The following CCT5 variants were observed in gnomAD, a reference collection of about 807,000 sequenced individuals.
CCT5 encodes the protein chaperonin containing TCP1 subunit 5.
Under a neutral mutation model 55.0 loss-of-function variants are expected in CCT5, and 6 were observed. The ratio of observed to expected loss-of-function variants is 0.11; its 90% CI spans 0.06 to 0.22. The LOEUF is 0.22. Among genes scored for constraint, CCT5 ranks in the 10% least tolerant of loss-of-function variants. The pLI is 1.00. For missense variants in CCT5, 560 were observed against 694.6 expected (o/e 0.81, Z 2.18); for synonymous variants, 231 against 243.7 (o/e 0.95, Z 0.49).
At chr5:10,261,894 G>C (rs767375395) in intron 8 of CCT5, 149 bp downstream of exon 8, 4 of 744,142 alleles carry the variant, frequency 5.4e-6, no homozygotes, top group Non-Finnish European at 9.7e-6. Flanking sequence ...TAAAATTACT[G>C]AAGACCATGT....
Position 10,258,202 on chromosome 5 carries a change from C to T in CCT5, c.622C>T (p.Leu208Phe), listed in dbSNP as rs1181012937. 3 of 1,613,998 alleles carry T rather than the reference C, an allele frequency of 1.9e-6. No homozygotes were observed. The highest frequency in any genetic ancestry group is 1.3e-5 in the African/African-American group (1 of 74,898). Residue 208 changes from leucine (L) to phenylalanine (F), a missense_variant, in exon 5 of 11, where the codon CTT becomes TTT. Physicochemically the swap from Leu to Phe is conservative, Grantham distance 22. Transcript: ENST00000280326. ...GGAGCGGAGAGACGTTGACTTTGAG[C>T]TTATCAAAGTAGAAGGCAAAGTGGG... Reference protein sequence around the residue: ...DMERRDVDFELIKVEGKVGGR... With the variant: ...DMERRDVDFEFIKVEGKVGGR...
chr5:10,254,634 C>T, intron 2 of CCT5, 40 bp from the exon 3 acceptor site: 1 of 1,602,800 alleles, frequency 6.2e-7, no homozygotes, highest in South Asian at 1.1e-5. Context: ...ATATTGGTTG[C>T]CAGTTTTTTG....
intron 4 of CCT5, 24 bp from the exon 5 acceptor site, chr5:10,258,086 GT>G (rs753662828): frequency 4.3e-6 from 7 of 1,612,780 alleles, no homozygotes; most frequent in Middle Eastern, 1.7e-4. Context: ...AACCAATGAA[GT>G]TTGTTTTGTG....
rs1159888871 is a variant in CCT5, at chr5:10,262,525, C to T, written c.1224C>T (p.Val408=). 1.2e-6 allele frequency: 2 copies of T among 1,614,116 alleles called. No individual in the cohort carries two copies. The highest frequency in any genetic ancestry group is 1.7e-6 in the Non-Finnish European group (2 of 1,180,044). The change falls in exon 9 of 11, where the codon GTC becomes GTT. Residue 408 remains valine, a synonymous_variant. Transcript: ENST00000280326. ...GATCCCTTCACGATGCTTTGTGTGT[C>T]ATCCGGAACCTCATCCGCGATAATC... ...AKRSLHDALC[V]IRNLIRDNRV... is the part of the protein sequence containing the mutation.
chr5:10,255,410 A>G (rs1167034364), intron 3 of CCT5, among the ~76,000 whole-genome samples: 1 of 152,124 alleles, frequency 6.6e-6, no homozygotes, highest in African/African-American at 2.4e-5. Flanking sequence ...GAGATTGAAG[A>G]CAAAATATCA....
At chr5:10,250,503 T>A in intron 1 of CCT5, 58 bp downstream of exon 1, 1 of 1,601,270 alleles carries the variant, frequency 6.2e-7, no homozygotes, top group South Asian at 1.1e-5. Flanking sequence ...AGGCCGTGGC[T>A]CTGCGCCTGC....
At chr5:10,261,062 C>T (rs1023469831) in intron 7 of CCT5, 151 bp downstream of exon 7, 10 of 816,882 alleles carry the variant, frequency 1.2e-5, no homozygotes, top group African/African-American at 3.3e-5. Flanking sequence ...GCGCTGGAAT[C>T]TTTGTTACTG....
intron 1 of CCT5, among the ~76,000 whole-genome samples, chr5:10,252,506 T>G (rs1745474308): frequency 6.6e-6 from 1 of 151,924 alleles, no homozygotes; most frequent in Admixed American, 6.6e-5. Context: ...TCCCAGAACT[T>G]TGGGAGGCTG....
chr5:10,250,311 T>C lies in CCT5; in HGVS notation c.-30T>C, dbSNP rs749654588. 3 of 1,613,386 alleles carry C rather than the reference T, an allele frequency of 1.9e-6. No homozygotes were observed. Among genetic ancestry groups the C allele is most frequent in the Non-Finnish European group, 2.5e-6 (3 of 1,179,940 alleles). On this transcript the variant is annotated 5_prime_UTR_variant, in exon 1 of 11. Coordinates refer to ENST00000280326, the MANE Select transcript of CCT5 (RefSeq NM_012073.5). ...TCGCTTCCGTAGCGGTCTCCGCCGG[T>C]TGGGGGGAAGTAATTCCGGTTGTTG...
intron 10 of CCT5, 91 bp downstream of exon 10, chr5:10,263,405 G>A (rs1746074538): frequency 8.0e-7 from 1 of 1,243,498 alleles, no homozygotes; most frequent in Non-Finnish European, 1.1e-6. Context: ...AGATGATGGT[G>A]TCTTTTTAAA....
In CCT5 at chr5:10,265,216, C is replaced by A. The variant is rs1375695585; in HGVS notation, c.*433C>A. ...CCTCTTCCTATCTAAATGGGTGGGCCATTTGATTGTAGAGGGTCCACCACA... is the reference window on the plus strand; with the variant it reads ...CCTCTTCCTATCTAAATGGGTGGGCAATTTGATTGTAGAGGGTCCACCACA... On this transcript the variant is annotated 3_prime_UTR_variant, in exon 11 of 11. Transcript: ENST00000280326. 1 of 196,954 alleles carries A rather than the reference C, an allele frequency of 5.1e-6. No individual in the cohort carries two copies. Among genetic ancestry groups the A allele is most frequent in the Non-Finnish European group, 1.0e-5 (1 of 95,660 alleles). 12.2% of individuals were successfully genotyped at this position (196,954 alleles called of 1,614,324 possible).
chr5:10,254,247 A>C, intron 2 of CCT5, 42 bp downstream of exon 2: 1 of 1,310,350 alleles, frequency 7.6e-7, no homozygotes, highest in Non-Finnish European at 1.1e-6. Context: ...AAAGATTTAA[A>C]TTATAAAACT....
intron 3 of CCT5, 74 bp from the exon 4 acceptor site, chr5:10,255,881 T>G: frequency 7.7e-7 from 1 of 1,299,974 alleles, no homozygotes; most frequent in Non-Finnish European, 1.1e-6. Flanking sequence ...TGATAGCATC[T>G]AACTTGTGCT....
chr5:10,258,081 A>G lies in CCT5; in HGVS notation c.531-30A>G, dbSNP rs376225755. 140 of 1,611,318 alleles carry G rather than the reference A, an allele frequency of 8.7e-5. 1 individual carries two copies. The highest frequency in any genetic ancestry group is 4.9e-4 in the East Asian group (22 of 44,876). On this transcript the variant is annotated intron_variant, in intron 4 of 10. Coordinates refer to ENST00000280326, the MANE Select transcript of CCT5 (RefSeq NM_012073.5). ...TTTGGTTGCAGTAATTGTGAAACCA[A>G]TGAAGTTTGTTTTGTGGTGTTTTCC...
chr5:10,253,051 C>T (rs1745506100), intron 1 of CCT5, among the ~76,000 whole-genome samples: 1 of 152,098 alleles, frequency 6.6e-6, no homozygotes, highest in African/African-American at 2.4e-5. Flanking sequence ...TTCAGCCGGG[C>T]GTGGTTGCTC....
At chr5:10,264,359 G>T (rs1746122947) in intron 10 of CCT5, among the ~76,000 whole-genome samples, 1 of 152,194 alleles carries the variant, frequency 6.6e-6, no homozygotes, top group Non-Finnish European at 1.5e-5. Context: ...CTAAGTTAGG[G>T]TATGGATACT....
chr5:10,255,878 A>T lies in CCT5; in HGVS notation c.332-77A>T, dbSNP rs1002947783. On this transcript the variant is annotated intron_variant, in intron 3 of 10. Coordinates refer to ENST00000280326, the MANE Select transcript of CCT5 (RefSeq NM_012073.5). ...AGAAGCTGCTTCTTTCCATGATAGC[A>T]TCTAACTTGTGCTGATTATACTAAA... 14 of 1,249,938 alleles carry T rather than the reference A, an allele frequency of 1.1e-5. No individual in the cohort carries two copies. In the African/African-American group the frequency reaches 1.9e-4, roughly 17 times the overall value. 77.4% of individuals were successfully genotyped at this position (1,249,938 alleles called of 1,614,324 possible). A position where few individuals can be genotyped will look rare whatever the true frequency, so the allele number is the denominator to read the frequency against.
At chr5:10,253,245 C>T (rs912212550) in intron 1 of CCT5, among the ~76,000 whole-genome samples, 1 of 151,552 alleles carries the variant, frequency 6.6e-6, no homozygotes, top group Non-Finnish European at 1.5e-5. Flanking sequence ...AGGAGGATCG[C>T]TTAAACCCGG....
At chr5:10,256,219 A>AT in intron 4 of CCT5, 66 bp downstream of exon 4, 2 of 1,343,960 alleles carry the variant, frequency 1.5e-6, no homozygotes, top group Non-Finnish European at 2.1e-6. Context: ...CATTTCTTAA[A>AT]GGCAACACAA....
Sources: gnomAD v4.1 joint callset for allele counts (sites outside exome capture counted in the v4.1 genomes callset) on GRCh38, gnomAD v4.1.1 for gene constraint, MANE v1.5 for transcripts, NCBI Gene and HGNC (gene_info 2026-07-23, HGNC 2026-07-21) for gene names.